The following WDR4 variants were observed in gnomAD, a reference collection of about 807,000 sequenced individuals.
WDR4 encodes tRNA (guanine-N(7)-)-methyltransferase non-catalytic subunit WDR4.
A neutral mutation model predicts 48.6 loss-of-function variants in WDR4; 47 were observed. That is an observed-to-expected ratio of 0.97 (90% CI 0.77 to 1.23). WDR4 has a LOEUF of 1.23. WDR4 is among the 50% of genes most tolerant of loss of function. The probability of loss-of-function intolerance (pLI) is 0.00; values close to 1 mark genes in which losing one functional copy is unlikely to be tolerated. For synonymous variants in WDR4, 268 were observed against 230.0 expected (o/e 1.17, Z -1.49); for missense variants, 606 against 551.6 (o/e 1.10, Z -0.99).
rs183286874 is a variant in WDR4 at position 42,868,806 on chromosome 21, C to T, written c.296+4745G>A. 4.3e-3 allele frequency among the ~76,000 whole-genome samples: 661 copies of T among 152,360 alleles called. 15 individuals are homozygous for T. Among genetic ancestry groups the T allele is most frequent in the Admixed American group, 0.041 (634 of 15,312 alleles). On this transcript the variant is annotated intron_variant, in intron 3 of 10. Transcript: ENST00000398208. ...CTGGACACCAAGGCTTGGGAAGCTTCGCCGTGTCTGTTGTCACACATTGGT... is the reference window on the plus strand; with the variant it reads ...CTGGACACCAAGGCTTGGGAAGCTTTGCCGTGTCTGTTGTCACACATTGGT...
At chr21:42,892,781 G>A in the WDR4 span, among the ~76,000 whole-genome samples, 1 of 152,360 alleles carries the variant, frequency 6.6e-6, no homozygotes, top group Admixed American at 6.5e-5. Flanking sequence ...GGCCATGCAG[G>A]AGGGGCAGTG....
At chr21:42,858,758 C>A (rs2058050661) in intron 6 of WDR4, among the ~76,000 whole-genome samples, 3 of 152,156 alleles carry the variant, frequency 2.0e-5, no homozygotes, top group Non-Finnish European at 4.4e-5. Flanking sequence ...TTCTTCTTCT[C>A]TCAGGTCGCG....
chr21:42,859,861 G>A, intron 5 of WDR4, 139 bp from the exon 6 acceptor site: 1 of 870,526 alleles, frequency 1.1e-6, no homozygotes, highest in Non-Finnish European at 1.8e-6. Flanking sequence ...CAGCCAACAT[G>A]GGAAGTAGCT....
At chr21:42,863,306 C>T (rs1385166738) in intron 4 of WDR4, 134 bp downstream of exon 4, 11 of 1,100,528 alleles carry the variant, frequency 1.0e-5, no homozygotes, top group East Asian at 7.5e-5. Flanking sequence ...CCACGTACTG[C>T]GTCTAACAGC....
the WDR4 span, among the ~76,000 whole-genome samples, chr21:42,886,254 G>A: frequency 2.3e-4 from 35 of 152,276 alleles, no homozygotes; most frequent in South Asian, 6.6e-3. Context: ...ACCGTGCCCA[G>A]CCTAGATTTT....
rs1404754626 is a variant in WDR4 at position 42,879,247 on chromosome 21, C to A, written c.89+160G>T. On this transcript the variant is annotated intron_variant, in intron 1 of 10. Transcript: ENST00000398208. Reference sequence around the variant, plus strand: ...GGACCCTCCAGGCGCAGAGACGCGGCCAGGCCGAGACTGCGGCGGAGGACT... The same window carrying A: ...GGACCCTCCAGGCGCAGAGACGCGGACAGGCCGAGACTGCGGCGGAGGACT... 6.7e-6 allele frequency: 9 copies of A among 1,340,068 alleles called. No homozygotes were observed. The South Asian group carries it at 1.3e-4, about 19-fold the overall frequency. The allele number at this position is 1,340,068 out of a possible 1,614,324, so 83.0% of individuals were successfully genotyped here. A position where few individuals can be genotyped will look rare whatever the true frequency, so the allele number is the denominator to read the frequency against.
chr21:42,876,158 G>T (rs2058486376), intron 2 of WDR4, among the ~76,000 whole-genome samples: 1 of 150,464 alleles, frequency 6.6e-6, no homozygotes, highest in African/African-American at 2.5e-5. Context: ...CAGCACCCTG[G>T]CTTCCCAAAG....
chr21:42,891,933 G>T, the WDR4 span, among the ~76,000 whole-genome samples: 1 of 151,130 alleles, frequency 6.6e-6, no homozygotes, highest in African/African-American at 2.4e-5. Flanking sequence ...CTCCAGCCTG[G>T]GCAACAGAGC....
chr21:42,867,115 G>C (rs1307876796), intron 3 of WDR4, among the ~76,000 whole-genome samples: 1 of 152,230 alleles, frequency 6.6e-6, no homozygotes, highest in Admixed American at 6.5e-5. Flanking sequence ...AGCAGGCCGG[G>C]CGCAGTGGCT....
chr21:42,869,192 T>C (rs1467666947), intron 3 of WDR4, among the ~76,000 whole-genome samples: 1 of 152,136 alleles, frequency 6.6e-6, no homozygotes, highest in Non-Finnish European at 1.5e-5. Context: ...TTCTCAGTGG[T>C]TTCCAATTTT....
chr21:42,864,986 C>T (rs1048103262), intron 3 of WDR4, among the ~76,000 whole-genome samples: 14 of 152,202 alleles, frequency 9.2e-5, no homozygotes, highest in African/African-American at 3.4e-4. Flanking sequence ...AAGTACAGGG[C>T]GCCCGGCCCA....
At chr21:42,876,922 G>A (rs1298015225) in intron 1 of WDR4, among the ~76,000 whole-genome samples, 155 bp from the exon 2 acceptor site, 3 of 151,780 alleles carry the variant, frequency 2.0e-5, no homozygotes, top group Admixed American at 1.3e-4. Flanking sequence ...AGGTTCAAAC[G>A]ATTCTCCTGC....
chr21:42,851,196 T>C (rs1215624724), intron 10 of WDR4, among the ~76,000 whole-genome samples: 1 of 152,096 alleles, frequency 6.6e-6, no homozygotes, highest in Non-Finnish European at 1.5e-5. Flanking sequence ...ACGGGGGCCA[T>C]GAGCACTGCA....
At chr21:42,886,959 G>A in the WDR4 span, 2 of 152,204 alleles carry the variant, frequency 1.3e-5, no homozygotes, top group Non-Finnish European at 1.5e-5. Context: ...GCTTCCAACA[G>A]GTGAGCCTTC....
chr21:42,854,548 C>T lies in WDR4; in HGVS notation c.791+14G>A, dbSNP rs2057933055. On this transcript the variant is annotated intron_variant, in intron 8 of 10. Coordinates refer to ENST00000398208, the MANE Select transcript of WDR4 (RefSeq NM_018669.6). ...TGCAGAACCGGAGGCCATAGAGGTGCCGCCGCAGCTTACCCGTCGCACAGG... is the reference window on the plus strand; with the variant it reads ...TGCAGAACCGGAGGCCATAGAGGTGTCGCCGCAGCTTACCCGTCGCACAGG... The T allele has an allele frequency of 6.2e-7, 1 of 1,611,254 alleles. No homozygotes were observed.
chr21:42,880,545 T>TGGTC (rs1330105747), upstream of WDR4, among the ~76,000 whole-genome samples: 1 of 152,188 alleles, frequency 6.6e-6, no homozygotes, highest in Non-Finnish European at 1.5e-5. Context: ...CAGTAATCAC[T>TGGTC]GGTCCAAAGC....
At chr21:42,853,344 G>A (rs1022922210) in intron 9 of WDR4, among the ~76,000 whole-genome samples, 1 of 152,316 alleles carries the variant, frequency 6.6e-6, no homozygotes, top group East Asian at 1.9e-4. Context: ...AACTGTTGCA[G>A]ACATCACCAC....
intron 3 of WDR4, among the ~76,000 whole-genome samples, chr21:42,864,655 G>A (rs978280630): frequency 2.0e-5 from 3 of 152,108 alleles, no homozygotes; most frequent in Admixed American, 6.6e-5. Context: ...CCAGAGTTCC[G>A]GATGCAGCAC....
In WDR4 at chr21:42,854,601, A is replaced by G. The variant is rs754598104; in HGVS notation, c.752T>C (p.Phe251Ser). ...PQKFAASRIA[F>S]WCQENCVALL... ...CGCCACGCAGTTCTCCTGGCACCAG[A>G]ATGCAATCCTGGACGCGGCAAACTT... Residue 251 changes from phenylalanine (F) to serine (S), a missense_variant, in exon 8 of 11, where the codon TTC (phenylalanine) becomes TCC (serine). By Grantham distance (155) the Phe-to-Ser change is radical (BLOSUM62 -2). Coordinates refer to ENST00000398208, the MANE Select transcript of WDR4 (RefSeq NM_018669.6). The G allele has an allele frequency of 3.1e-6, 5 of 1,613,750 alleles. No individual in the cohort carries two copies. In the East Asian group the frequency reaches 1.1e-4, roughly 36 times the overall value.
Sources: allele counts gnomAD v4.1 joint callset (sites outside exome capture counted in the v4.1 genomes callset), GRCh38; gene constraint gnomAD v4.1.1; transcripts MANE v1.5; gene names NCBI Gene and HGNC (gene_info 2026-07-23, HGNC 2026-07-21).